Variants in THSD7A observed in about 807,000 individuals in gnomAD.
THSD7A encodes the protein thrombospondin type-1 domain-containing protein 7A.
A neutral mutation model predicts 231.3 loss-of-function variants in THSD7A; 96 were observed. The observed-to-expected ratio is 0.41, with a 90% CI of 0.35 to 0.49. THSD7A has a LOEUF of 0.49. Among genes scored for constraint, THSD7A ranks in the 20% least tolerant of loss-of-function variants. The pLI is 0.05. For missense variants in THSD7A, 2,290 were observed against 2,070.2 expected (o/e 1.11, Z -2.06); for synonymous variants, 940 against 743.3 (o/e 1.26, Z -4.30).
In THSD7A at chr7:11,590,454, G is replaced by A. The variant is rs2128340811; in HGVS notation, c.1453+6C>T. 6.8e-6 allele frequency: 11 copies of A among 1,607,446 alleles called. No individual in the cohort carries two copies. The East Asian group carries it at 2.5e-4, about 36-fold the overall frequency. ...AGTGAATCCTTGAGAAGAAAGCAAAGGTTACCTTCTTTGTTCTTGTGGGTA... is the reference window on the plus strand; with the variant it reads ...AGTGAATCCTTGAGAAGAAAGCAAAAGTTACCTTCTTTGTTCTTGTGGGTA... On this transcript the variant is annotated splice_donor_region_variant and intron_variant, in intron 4 of 27. Transcript: ENST00000423059. This position sits in a 1 kb window ranked among gnomAD's most constrained non-coding sequence, Gnocchi z 4.4.
At chr7:11,385,294 C>A (rs1483586804) in intron 23 of THSD7A, 1 of 151,960 alleles carries the variant, frequency 6.6e-6, no homozygotes, top group Non-Finnish European at 1.5e-5. Flanking sequence ...CTTCTGATGA[C>A]ACTTGGCTGG....
chr7:11,768,701 A>C (rs1783108081), intron 1 of THSD7A, among the ~76,000 whole-genome samples: 1 of 152,192 alleles, frequency 6.6e-6, no homozygotes, highest in South Asian at 2.1e-4. Flanking sequence ...TTTATACCTT[A>C]GTTTGATAAG....
In THSD7A at chr7:11,372,613, C is replaced by G. The variant is rs1056438403; in HGVS notation, c.*3181G>C. 6.6e-6 allele frequency: 1 copy of G among 151,960 alleles called. No individual in the cohort carries two copies. Among genetic ancestry groups the G allele is most frequent in the Non-Finnish European group, 1.5e-5 (1 of 67,974 alleles). 9.4% of individuals were successfully genotyped at this position (151,960 alleles called of 1,614,324 possible). ...TCTACGTGGTTTCTAGTGAAATAGT[C>G]CAGCAAAATCATATAATACTGTGTC... On this transcript the variant is annotated 3_prime_UTR_variant, in exon 28 of 28. Transcript: ENST00000423059.
chr7:11,627,596 T>A (rs1781514556), intron 2 of THSD7A, among the ~76,000 whole-genome samples: 1 of 152,074 alleles, frequency 6.6e-6, no homozygotes, highest in African/African-American at 2.4e-5. Context: ...TAGAAACAAA[T>A]TTTGATAATA....
At chr7:11,709,142 G>C (rs1376358646) in intron 1 of THSD7A, among the ~76,000 whole-genome samples, 3 of 150,564 alleles carry the variant, frequency 2.0e-5, no homozygotes, top group Non-Finnish European at 1.5e-5. Flanking sequence ...CAAGGCTATC[G>C]AGTTTCTTAA....
chr7:11,406,886 T>C lies in THSD7A; in HGVS notation c.4062+24A>G. 6.2e-7 allele frequency: 1 copy of C among 1,613,366 alleles called. No homozygotes were observed. Among genetic ancestry groups the C allele is most frequent in the Non-Finnish European group, 8.5e-7 (1 of 1,179,600 alleles). ...CTCTGCAGATAGAGTACACACTTCCTGACAACTTCTTGAGATTTGATACCT... is the reference window on the plus strand; with the variant it reads ...CTCTGCAGATAGAGTACACACTTCCCGACAACTTCTTGAGATTTGATACCT... On this transcript the variant is annotated intron_variant, in intron 21 of 27. Coordinates refer to ENST00000423059, the MANE Select transcript of THSD7A (RefSeq NM_015204.3). The surrounding 1 kb of genome is among the most constrained non-coding windows in gnomAD (Gnocchi z 4.7).
chr7:11,703,285 C>G (rs941241431), intron 1 of THSD7A, among the ~76,000 whole-genome samples: 1 of 151,206 alleles, frequency 6.6e-6, no homozygotes, highest in Non-Finnish European at 1.5e-5. Context: ...AGGAACACAT[C>G]TGCAAAGTAT....
intron 1 of THSD7A, among the ~76,000 whole-genome samples, chr7:11,683,676 G>A (rs1584206546): frequency 6.6e-6 from 1 of 151,986 alleles, no homozygotes; most frequent in East Asian, 1.9e-4. Flanking sequence ...TAACAAGGAA[G>A]AAATAGGAAC....
At chr7:11,504,113 G>A (rs1051089867) in intron 6 of THSD7A, among the ~76,000 whole-genome samples, 36 of 152,138 alleles carry the variant, frequency 2.4e-4, no homozygotes, top group Admixed American at 1.0e-3. Context: ...TATATACCAT[G>A]GAATATTATG....
At chr7:11,448,525 A>G (rs1046170147) in intron 11 of THSD7A, among the ~76,000 whole-genome samples, 3 of 152,116 alleles carry the variant, frequency 2.0e-5, no homozygotes, top group Non-Finnish European at 4.4e-5. Context: ...TGCCCTGTTC[A>G]GGATTCCATC....
intron 1 of THSD7A, chr7:11,820,423 T>G: frequency 7.5e-7 from 1 of 1,326,758 alleles, no homozygotes; most frequent in Non-Finnish European, 1.0e-6. Flanking sequence ...ATGGGCCCAC[T>G]TGGGGCTGGT....
At chr7:11,821,466 G>T (rs1784871704) in intron 1 of THSD7A, among the ~76,000 whole-genome samples, 1 of 150,258 alleles carries the variant, frequency 6.7e-6, no homozygotes, top group Non-Finnish European at 1.5e-5. Context: ...TGGGAAACTT[G>T]GATTCTTAAA....
chr7:11,803,565 C>A (rs1430156486), intron 1 of THSD7A, among the ~76,000 whole-genome samples: 6 of 152,180 alleles, frequency 3.9e-5, no homozygotes, highest in Middle Eastern at 3.4e-3. Context: ...GCTTAAATAT[C>A]AGCATTTTGC....
intron 23 of THSD7A, among the ~76,000 whole-genome samples, chr7:11,396,459 C>G (rs532741345): frequency 4.6e-5 from 7 of 152,228 alleles, no homozygotes; most frequent in East Asian, 3.9e-4. Context: ...GATATCATCA[C>G]CGATCCCACA....
intron 1 of THSD7A, among the ~76,000 whole-genome samples, chr7:11,743,345 T>G (rs1782173589): frequency 6.6e-6 from 1 of 151,916 alleles, no homozygotes; most frequent in Non-Finnish European, 1.5e-5. Context: ...GAAAATAAAT[T>G]TATCGTCCAC....
intron 1 of THSD7A, among the ~76,000 whole-genome samples, chr7:11,654,014 TGAG>T (rs979777984): frequency 6.6e-5 from 10 of 151,898 alleles, no homozygotes; most frequent in Non-Finnish European, 1.3e-4. Context: ...CACTGAACAT[TGAG>T]GAGAAGAAGA....
intron 1 of THSD7A, among the ~76,000 whole-genome samples, chr7:11,796,883 G>C (rs901915247): frequency 1.6e-4 from 25 of 151,958 alleles, no homozygotes; most frequent in African/African-American, 6.0e-4. Context: ...TCTGTAATAA[G>C]GTTTAAAGTG....
chr7:11,569,196 T>C (rs527612072), intron 4 of THSD7A, among the ~76,000 whole-genome samples: 1 of 152,102 alleles, frequency 6.6e-6, no homozygotes, highest in Non-Finnish European at 1.5e-5. Flanking sequence ...GACATTAGAA[T>C]AAAATGTTTC....
intron 23 of THSD7A, among the ~76,000 whole-genome samples, chr7:11,388,877 C>T (rs544037892): frequency 1.3e-5 from 2 of 152,178 alleles, no homozygotes; most frequent in East Asian, 3.9e-4. Flanking sequence ...GTAAGTCATT[C>T]AGGAGCAGGT....
Sources: allele counts gnomAD v4.1 joint callset (sites outside exome capture counted in the v4.1 genomes callset), GRCh38; gene constraint gnomAD v4.1.1; non-coding constraint Gnocchi (gnomAD v3.1); transcripts MANE v1.5; gene names NCBI Gene and HGNC (gene_info 2026-07-23, HGNC 2026-07-21).